SLC17A5: variants seen among roughly 807,000 people sequenced by gnomAD.
SLC17A5 encodes the protein solute carrier family 17 member 5.
In SLC17A5, 47 loss-of-function variants were observed where a neutral mutation model predicts 59.4. The observed-to-expected ratio is 0.79, with a 90% confidence interval of 0.63 to 1.01. SLC17A5 has a LOEUF of 1.01. SLC17A5 is among the 50% of genes least tolerant of loss of function. SLC17A5 has a pLI of 0.00. For synonymous variants in SLC17A5, 202 were observed against 210.7 expected (o/e 0.96, Z 0.36); for missense variants, 522 against 595.5 (o/e 0.88, Z 1.28).
intron 7 of SLC17A5, among the ~76,000 whole-genome samples, chr6:73,617,204 T>C (rs1481634308): frequency 6.6e-6 from 1 of 151,774 alleles, no homozygotes; most frequent in East Asian, 1.9e-4. Flanking sequence ...GGCAGAAGAA[T>C]CGCTTGAACC....
In SLC17A5 at chr6:73,607,416, A is replaced by G. The variant is rs117006469; in HGVS notation, c.1259+2984T>C. Among the ~76,000 whole-genome samples the G allele has an allele frequency of 1.5e-3, 231 of 152,002 alleles. No individual in the cohort carries two copies. In the East Asian group the frequency reaches 0.026, roughly 17 times the overall value. On this transcript the variant is annotated intron_variant, in intron 9 of 10. Transcript: ENST00000355773. ...CCAAGTAGCTGGGATTACAGGTCCT[A>G]CCACCCCACCTGGCTAATTTTATAT...
intron 6 of SLC17A5, among the ~76,000 whole-genome samples, chr6:73,633,377 A>G (rs1013693618): frequency 6.6e-6 from 1 of 151,880 alleles, no homozygotes; most frequent in Non-Finnish European, 1.5e-5. Flanking sequence ...TAAAAAACTT[A>G]AAAAGAAATG....
In SLC17A5 at chr6:73,595,280, A is replaced by G. The variant is rs1581948606; in HGVS notation, c.1351-66T>C. 8 of 1,563,752 alleles carry G rather than the reference A, an allele frequency of 5.1e-6. No homozygotes were observed. The South Asian group carries it at 7.9e-5, about 15-fold the overall frequency. On this transcript the variant is annotated intron_variant, in intron 10 of 10. Coordinates refer to ENST00000355773, the MANE Select transcript of SLC17A5 (RefSeq NM_012434.5). ...GTGTGTAGTTCACTTCATTAAAAAGATAGTGTCACAAGAGTGTTAAAACAG... is the reference window on the plus strand; with the variant it reads ...GTGTGTAGTTCACTTCATTAAAAAGGTAGTGTCACAAGAGTGTTAAAACAG...
intron 10 of SLC17A5, among the ~76,000 whole-genome samples, chr6:73,599,073 C>T (rs1262138515): frequency 6.7e-6 from 1 of 150,358 alleles, no homozygotes; most frequent in East Asian, 2.0e-4. Flanking sequence ...TTCCAGCTAC[C>T]TGGGAGGCTG....
intron 3 of SLC17A5, among the ~76,000 whole-genome samples, chr6:73,641,143 G>A (rs539752263): frequency 2.1e-4 from 32 of 152,116 alleles, no homozygotes; most frequent in African/African-American, 7.5e-4. Context: ...GCAGTGGCGC[G>A]ATCTTGGCTC....
intron 10 of SLC17A5, among the ~76,000 whole-genome samples, chr6:73,598,070 C>T (rs1766898442): frequency 6.6e-6 from 1 of 152,176 alleles, no homozygotes; most frequent in African/African-American, 2.4e-5. Context: ...CTTAGGATTA[C>T]TAAGACAAAG....
At chr6:73,600,036 C>T (rs1766985398) in intron 10 of SLC17A5, among the ~76,000 whole-genome samples, 2 of 152,112 alleles carry the variant, frequency 1.3e-5, no homozygotes, top group African/African-American at 2.4e-5. Context: ...CCTCGTGATC[C>T]ACCTGCCTCG....
chr6:73,647,080 T>C (rs1769612982), intron 1 of SLC17A5, among the ~76,000 whole-genome samples: 1 of 152,212 alleles, frequency 6.6e-6, no homozygotes, highest in Non-Finnish European at 1.5e-5. Flanking sequence ...ATGTGTTACT[T>C]TGAGCAATTT....
intron 8 of SLC17A5, among the ~76,000 whole-genome samples, chr6:73,611,963 C>T (rs1188445740): frequency 6.6e-6 from 1 of 151,808 alleles, no homozygotes; most frequent in Non-Finnish European, 1.5e-5. Context: ...TCCTGAGTAG[C>T]TGGGACTACA....
chr6:73,603,442 CAGAGTTTCA>C (rs1767252713), intron 9 of SLC17A5, among the ~76,000 whole-genome samples: 4 of 131,784 alleles, frequency 3.0e-5, no homozygotes, highest in African/African-American at 1.2e-4. Context: ...TTTTTTGAGA[CAGAGTTTCA>C]CTCTTGTTGC....
chr6:73,612,287 T>C (rs1368655538), intron 8 of SLC17A5, among the ~76,000 whole-genome samples: 2 of 151,988 alleles, frequency 1.3e-5, no homozygotes, highest in Non-Finnish European at 2.9e-5. Flanking sequence ...CTCGGCCTCC[T>C]GAATAGCTGG....
chr6:73,651,386 G>A (rs1277573652), intron 1 of SLC17A5, among the ~76,000 whole-genome samples: 15 of 147,060 alleles, frequency 1.0e-4, no homozygotes, highest in Non-Finnish European at 4.5e-5. Flanking sequence ...ACTTGAACCG[G>A]GGAGGCTGAG....
chr6:73,641,487 C>T (rs1039233510), intron 3 of SLC17A5, among the ~76,000 whole-genome samples: 6 of 152,114 alleles, frequency 3.9e-5, no homozygotes, highest in African/African-American at 9.7e-5. Flanking sequence ...GTTCCAATTT[C>T]GGGGTGCTCC....
At chr6:73,613,828 A>G (rs922419699) in intron 8 of SLC17A5, among the ~76,000 whole-genome samples, 2 of 151,898 alleles carry the variant, frequency 1.3e-5, no homozygotes, top group Admixed American at 6.6e-5. Flanking sequence ...TTTAAAAAAT[A>G]TGGCTGGGGG....
chr6:73,630,489 C>G (rs1283296641), intron 6 of SLC17A5, among the ~76,000 whole-genome samples: 1 of 152,192 alleles, frequency 6.6e-6, no homozygotes, highest in Non-Finnish European at 1.5e-5. Context: ...TGACTGCCAG[C>G]ATAAGCTATC....
At chr6:73,638,372 C>T (rs1428306532) in intron 4 of SLC17A5, 40 bp downstream of exon 4, 3 of 1,450,782 alleles carry the variant, frequency 2.1e-6, no homozygotes, top group African/African-American at 2.8e-5. Context: ...TTGATATATA[C>T]ATAACATATT....
chr6:73,627,773 C>G (rs1768500656), intron 6 of SLC17A5, among the ~76,000 whole-genome samples: 1 of 151,878 alleles, frequency 6.6e-6, no homozygotes, highest in Non-Finnish European at 1.5e-5. Context: ...GGATTATAGG[C>G]ACCTGCTACC....
At chr6:73,652,770 C>G (rs370100851) in intron 1 of SLC17A5, among the ~76,000 whole-genome samples, 288 of 151,626 alleles carry the variant, frequency 1.9e-3, no homozygotes, top group African/African-American at 6.5e-3. Flanking sequence ...AAGGTTGCCA[C>G]CTCTACTGCC....
At chr6:73,638,748 T>C (rs576791067) in intron 3 of SLC17A5, among the ~76,000 whole-genome samples, 40 of 152,138 alleles carry the variant, frequency 2.6e-4, no homozygotes, top group African/African-American at 8.7e-4. Context: ...GGCAGGAGGA[T>C]TGCTTGAGCC....
Sources: gnomAD v4.1 joint callset for allele counts (sites outside exome capture counted in the v4.1 genomes callset) on GRCh38, gnomAD v4.1.1 for gene constraint, MANE v1.5 for transcripts, NCBI Gene and HGNC (gene_info 2026-07-23, HGNC 2026-07-21) for gene names.